Variants in SSH2 observed in about 807,000 individuals in gnomAD.
SSH2 encodes the protein slingshot protein phosphatase 2, also known as protein phosphatase Slingshot homolog 2.
A neutral mutation model predicts 135.2 loss-of-function variants in SSH2; 37 were observed. The ratio of observed to expected loss-of-function variants is 0.27; its 90% CI spans 0.21 to 0.36. The LOEUF (loss-of-function observed/expected upper bound fraction) is 0.36, where lower values mean the gene tolerates loss of function less well. Among genes scored for constraint, SSH2 ranks in the 10% least tolerant of loss-of-function variants. The probability of loss-of-function intolerance (pLI) is 1.00; values close to 1 mark genes in which losing one functional copy is unlikely to be tolerated. For synonymous variants in SSH2, 628 were observed against 646.2 expected, an observed-to-expected ratio of 0.97 and a Z score of 0.43; for missense variants, 1,408 against 1,765.3, an observed-to-expected ratio of 0.80 and a Z score of 3.63.
At chr17:29,788,761 G>A (rs2042014160) in intron 3 of SSH2, among the ~76,000 whole-genome samples, 1 of 152,074 alleles carries the variant, frequency 6.6e-6, no homozygotes, top group Admixed American at 6.6e-5. Context: ...ATGGGGTGCT[G>A]AGGCTTTGAA....
intron 3 of SSH2, among the ~76,000 whole-genome samples, chr17:29,752,965 G>C (rs1715004034): frequency 6.6e-6 from 1 of 152,104 alleles, no homozygotes; most frequent in Non-Finnish European, 1.5e-5. Context: ...GCCTGTGTAT[G>C]CATCCTGGCT....
At chr17:29,809,115 G>A (rs909193165) in intron 2 of SSH2, among the ~76,000 whole-genome samples, 6 of 152,260 alleles carry the variant, frequency 3.9e-5, no homozygotes, top group Middle Eastern at 3.4e-3. Flanking sequence ...TTAGCCATGC[G>A]TGGTGGCACA....
intron 1 of SSH2, chr17:29,855,668 C>G (rs2151396835): frequency 6.5e-6 from 1 of 154,798 alleles, no homozygotes; most frequent in Non-Finnish European, 1.4e-5. Flanking sequence ...TAGTCTGTGT[C>G]TGATCCAACT....
intron 15 of SSH2, among the ~76,000 whole-genome samples, chr17:29,635,168 C>T (rs1396324767): frequency 6.6e-6 from 1 of 152,160 alleles, no homozygotes; most frequent in East Asian, 1.9e-4. Flanking sequence ...TCCCAAAGCA[C>T]TGGGATTACA....
intron 1 of SSH2, among the ~76,000 whole-genome samples, chr17:29,887,694 T>A (rs1408723886): frequency 6.6e-6 from 1 of 152,190 alleles, no homozygotes; most frequent in Admixed American, 6.5e-5. Context: ...CTTATTTCTT[T>A]CTCTTTGAAG....
At position 29,659,394 on chromosome 17, in the gene SSH2, G is replaced by A. The variant is rs151017511; in HGVS notation, c.1033-3787C>T. Among the ~76,000 whole-genome samples, 356 of 152,332 alleles carry A rather than the reference G, an allele frequency of 2.3e-3. 2 individuals are homozygous for A. The highest frequency in any genetic ancestry group is 4.5e-3 in the Non-Finnish European group (307 of 68,036). On this transcript the variant is annotated intron_variant, in intron 11 of 15. Transcript: ENST00000540801. The stretch of plus-strand genomic sequence containing the variant: ...TGGTTAAGCTTTTGAATTTTTGCCA[G>A]TCTGATAGGTGTCTCAGTGTAGTTT...
At chr17:29,675,467 T>C (rs1008428982) in intron 8 of SSH2, among the ~76,000 whole-genome samples, 25 of 152,066 alleles carry the variant, frequency 1.6e-4, no homozygotes, top group African/African-American at 5.8e-4. Flanking sequence ...CATTCTCTGG[T>C]TGTATTAGAT....
intron 3 of SSH2, among the ~76,000 whole-genome samples, chr17:29,719,753 T>G (rs556687444): frequency 5.9e-5 from 9 of 152,254 alleles, no homozygotes; most frequent in Admixed American, 5.9e-4. Context: ...AATGTAGGCT[T>G]CTTTTCTTTT....
At chr17:29,888,216 C>G (rs939983268) in intron 1 of SSH2, among the ~76,000 whole-genome samples, 1 of 152,034 alleles carries the variant, frequency 6.6e-6, no homozygotes, top group Non-Finnish European at 1.5e-5. Flanking sequence ...CCAGCCTGAC[C>G]GAAAGAGTAA....
intron 11 of SSH2, among the ~76,000 whole-genome samples, chr17:29,657,397 G>C (rs2036827647): frequency 6.6e-6 from 1 of 151,650 alleles, no homozygotes; most frequent in Non-Finnish European, 1.5e-5. Flanking sequence ...AGCCACCCGA[G>C]TAGCTGGGAT....
chr17:29,868,456 G>A (rs939630298), intron 1 of SSH2, among the ~76,000 whole-genome samples: 7 of 152,116 alleles, frequency 4.6e-5, no homozygotes, highest in Admixed American at 3.3e-4. Context: ...TTCAGTTCCC[G>A]GCTGGGTGCG....
At chr17:29,655,325 T>G (rs7217994) in intron 12 of SSH2, among the ~76,000 whole-genome samples, 1 of 152,114 alleles carries the variant, frequency 6.6e-6, no homozygotes, top group Non-Finnish European at 1.5e-5. Context: ...AGGATGGTCT[T>G]GATCTCCTGA....
At chr17:29,883,170 T>C (rs759743063) in intron 1 of SSH2, 1 of 152,140 alleles carries the variant, frequency 6.6e-6, no homozygotes, top group South Asian at 2.1e-4. Context: ...TAGTGACAAG[T>C]TGAATTCTGG....
intron 2 of SSH2, among the ~76,000 whole-genome samples, chr17:29,795,668 T>C (rs2042143959): frequency 6.6e-6 from 1 of 152,178 alleles, no homozygotes. Flanking sequence ...TCCTGGAATA[T>C]CATTTAACAA....
intron 3 of SSH2, among the ~76,000 whole-genome samples, chr17:29,704,873 A>G (rs1598843143): frequency 6.6e-6 from 1 of 152,196 alleles, no homozygotes; most frequent in African/African-American, 2.4e-5. Flanking sequence ...CAAATAGCCA[A>G]GTTTAGAAAT....
intron 1 of SSH2, chr17:29,929,310 CG>C (rs1196105116): frequency 6.5e-6 from 1 of 154,542 alleles, no homozygotes; most frequent in East Asian, 1.9e-4. Context: ...CCAGATGCTT[CG>C]GGACCTCATA....
chr17:29,830,210 T>C (rs1176431718), intron 2 of SSH2, among the ~76,000 whole-genome samples: 1 of 152,178 alleles, frequency 6.6e-6, no homozygotes, highest in Admixed American at 6.5e-5. Context: ...CAGCACCAGC[T>C]TGAGTTATTT....
At chr17:29,922,426 G>C (rs1320911785) in intron 1 of SSH2, among the ~76,000 whole-genome samples, 1 of 152,202 alleles carries the variant, frequency 6.6e-6, no homozygotes, top group Non-Finnish European at 1.5e-5. Context: ...TACGATTGAA[G>C]TGAGTGTTGC....
rs111904742 is a variant in SSH2, at chr17:29,630,994, G to A, written c.4200C>T (p.Pro1400=). Residue 1400 remains proline, a synonymous_variant, in exon 16 of 16, where the codon CCC becomes CCT. Coordinates refer to ENST00000540801, the MANE Select transcript of SSH2 (RefSeq NM_001282129.2). ...ACTGCAGTCCCTGGGTCTGTAGCAC[G>A]GGAAGGCCTCCTTCAGAACTAGTCA... ...LELTSSEGGL[P]VLQTQGLQCA... The A allele has an allele frequency of 5.5e-5, 89 of 1,613,730 alleles. No individual in the cohort carries two copies. The highest frequency in any genetic ancestry group is 6.5e-5 in the Non-Finnish European group (77 of 1,179,758).
Sources: allele counts gnomAD v4.1 joint callset (sites outside exome capture counted in the v4.1 genomes callset), GRCh38; gene constraint gnomAD v4.1.1; transcripts MANE v1.5; gene names NCBI Gene and HGNC (gene_info 2026-07-23, HGNC 2026-07-21).